Variants in CTBS observed in about 807,000 individuals in gnomAD.
CTBS encodes di-N-acetylchitobiase.
In CTBS, 35 loss-of-function variants were observed where a neutral mutation model predicts 44.3. The ratio of observed to expected loss-of-function variants is 0.79; its 90% CI spans 0.60 to 1.05. CTBS has a LOEUF of 1.05. CTBS is among the 50% of genes least tolerant of loss of function. The pLI is 0.00. For synonymous variants in CTBS, 143 were observed against 168.0 expected (o/e 0.85, Z 1.15); for missense variants, 458 against 475.3 (o/e 0.96, Z 0.34).
Position 84,565,834 on chromosome 1 carries a change from G to A in CTBS, c.697+7C>T. On this transcript the variant is annotated splice_region_variant and intron_variant, in intron 4 of 6. Transcript: ENST00000370630. ...TTATTAATAAATGACCATGTTTAGA[G>A]TCTTACCAGTTAATGTCTGATTATA... The A allele has an allele frequency of 2.7e-6, 4 of 1,478,078 alleles. No individual in the cohort carries two copies. Among genetic ancestry groups the A allele is most frequent in the Non-Finnish European group, 3.6e-6 (4 of 1,106,968 alleles). The allele number at this position is 1,478,078 out of a possible 1,614,324, so 91.6% of individuals were successfully genotyped here.
intron 1 of CTBS, 58 bp downstream of exon 1, chr1:84,574,181 C>A: frequency 6.4e-7 from 1 of 1,572,306 alleles, no homozygotes; most frequent in South Asian, 1.2e-5. Flanking sequence ...TCCGTTCTAC[C>A]CTAACTTCTC....
chr1:84,563,037 C>T (rs1307017480), intron 6 of CTBS, among the ~76,000 whole-genome samples: 1 of 151,926 alleles, frequency 6.6e-6, no homozygotes, highest in African/African-American at 2.4e-5. Flanking sequence ...GACAAGTGGC[C>T]CAAGCAGAGT....
Position 84,566,018 on chromosome 1 carries a change from G to GA in CTBS, c.526-7dup, listed in dbSNP as rs774010827. On this transcript the variant is annotated splice_polypyrimidine_tract_variant and splice_region_variant and intron_variant, in intron 3 of 6. Coordinates refer to ENST00000370630, the MANE Select transcript of CTBS (RefSeq NM_004388.3). Reference sequence around the variant, plus strand: ...CAAGCTACATCAAAGGTTACCTGTGGAAAAAAATCTTACTATTTTATGTAA... The same window carrying GA: ...CAAGCTACATCAAAGGTTACCTGTGGAAAAAAAATCTTACTATTTTATGTAA... 6.0e-5 allele frequency: 91 copies of GA among 1,504,882 alleles called. No homozygotes were observed. Among genetic ancestry groups the GA allele is most frequent in the Admixed American group, 1.6e-4 (7 of 44,788 alleles). 93.2% of individuals were successfully genotyped at this position (1,504,882 alleles called of 1,614,324 possible).
rs1391822254 is a variant in CTBS at position 84,550,526 on chromosome 1, TTAAGG to T, written c.*4468_*4472del. On this transcript the variant is annotated 3_prime_UTR_variant, in exon 7 of 7. Coordinates refer to ENST00000370630, the MANE Select transcript of CTBS (RefSeq NM_004388.3). ...GACAAAATGAAACTCATAGTAGAAG[TTAAGG>T]TAATTTACATTTTTCCTAATCAGAT... 1 of 1,525,164 alleles carries T rather than the reference TTAAGG, an allele frequency of 6.6e-7. No homozygotes were observed. Among genetic ancestry groups the T allele is most frequent in the Non-Finnish European group, 8.8e-7 (1 of 1,133,888 alleles). 94.5% of individuals were successfully genotyped at this position (1,525,164 alleles called of 1,614,324 possible).
chr1:84,551,474 C>T lies in CTBS; in HGVS notation c.*3525G>A, dbSNP rs1188632396. The T allele has an allele frequency of 1.1e-5, 2 of 186,438 alleles. No individual in the cohort carries two copies. Among genetic ancestry groups the T allele is most frequent in the Non-Finnish European group, 2.0e-5 (2 of 99,610 alleles). 11.5% of individuals were successfully genotyped at this position (186,438 alleles called of 1,614,324 possible). ...GCCTGCACTGTCAGATTGGTACCCA[C>T]TAGCCACCTATTGATATTGAGCACT... On this transcript the variant is annotated 3_prime_UTR_variant, in exon 7 of 7. Coordinates refer to ENST00000370630, the MANE Select transcript of CTBS (RefSeq NM_004388.3).
chr1:84,573,060 T>C (rs1306970798), intron 1 of CTBS, among the ~76,000 whole-genome samples: 1 of 152,196 alleles, frequency 6.6e-6, no homozygotes, highest in African/African-American at 2.4e-5. Flanking sequence ...TAAAACATTT[T>C]AATTGGGAGG....
chr1:84,574,209 A>G (rs957273756), intron 1 of CTBS, 30 bp downstream of exon 1: 10 of 1,597,470 alleles, frequency 6.3e-6, no homozygotes, highest in African/African-American at 4.0e-5. Context: ...CCTGAAGCCC[A>G]GACCTAGAGG....
intron 3 of CTBS, 149 bp downstream of exon 3, chr1:84,569,782 C>A: frequency 1.4e-6 from 1 of 716,966 alleles, no homozygotes; most frequent in Non-Finnish European, 2.3e-6. Flanking sequence ...ATAAGAACAC[C>A]AAAGGCTCCA....
chr1:84,572,597 T>A (rs1647344823), intron 1 of CTBS, among the ~76,000 whole-genome samples: 1 of 151,882 alleles, frequency 6.6e-6, no homozygotes, highest in Non-Finnish European at 1.5e-5. Context: ...GAATAGTTGG[T>A]TTTCAAAGTG....
chr1:84,570,020 CT>C lies in CTBS; in HGVS notation c.435del (p.Val146LeufsTer11), dbSNP rs1189071623. The C allele has an allele frequency of 6.2e-7, 1 of 1,613,392 alleles. No individual in the cohort carries two copies. The highest frequency in any genetic ancestry group is 1.3e-5 in the African/African-American group (1 of 74,892). ...TCATATTCAGGTGATAAACAATTAA[CT>C]TCTTGCTCTATATCTATATTAATTC... ...MDGINIDIEQ[E>X]VNCLSPEYDA... On this transcript the variant is annotated frameshift_variant, in exon 3 of 7. Transcript: ENST00000370630. LOFTEE classifies it high-confidence loss of function.
At chr1:84,561,835 CT>C (rs1199419640) in intron 6 of CTBS, among the ~76,000 whole-genome samples, 1 of 152,124 alleles carries the variant, frequency 6.6e-6, no homozygotes, top group African/African-American at 2.4e-5. Context: ...AAGGTATGTA[CT>C]TTTTTTAGAC....
At chr1:84,563,883 G>A in intron 4 of CTBS, 51 bp from the exon 5 acceptor site, 1 of 1,570,070 alleles carries the variant, frequency 6.4e-7, no homozygotes, top group Non-Finnish European at 8.6e-7. Flanking sequence ...ATATGTCAAT[G>A]TGTTCATACA....
chr1:84,570,451 T>A, intron 2 of CTBS, 131 bp downstream of exon 2: 1 of 765,596 alleles, frequency 1.3e-6, no homozygotes, highest in Non-Finnish European at 2.1e-6. Context: ...TTACACAGTA[T>A]CTAAGATTAA....
rs1184345793 is a variant in CTBS, at chr1:84,550,911, A to AT, written c.*4087dup. The AT allele has an allele frequency of 1.5e-5, 15 of 978,242 alleles. No homozygotes were observed. Among genetic ancestry groups the AT allele is most frequent in the African/African-American group, 1.8e-5 (1 of 56,970 alleles). 60.6% of individuals were successfully genotyped at this position (978,242 alleles called of 1,614,324 possible). A position where few individuals can be genotyped will look rare whatever the true frequency, so the allele number is the denominator to read the frequency against. ...TTAATTTTTTATGGGTAATCGTTTC[A>AT]TTTTTTCTGGTTATTTTCATATGTA... is the stretch of plus-strand genomic sequence containing the variant. On this transcript the variant is annotated 3_prime_UTR_variant, in exon 7 of 7. Transcript: ENST00000370630.
chr1:84,572,228 A>T (rs944036191), intron 1 of CTBS, among the ~76,000 whole-genome samples: 6 of 151,876 alleles, frequency 4.0e-5, no homozygotes, highest in South Asian at 4.1e-4. Context: ...ATTTTTTTTA[A>T]TTTTTTTTAA....
Position 84,558,227 on chromosome 1 carries a change from T to C in CTBS, c.958-3028A>G, listed in dbSNP as rs1684505510. Among the ~76,000 whole-genome samples the C allele has an allele frequency of 3.9e-5, 6 of 152,278 alleles. No homozygotes were observed. In the South Asian group the frequency reaches 1.2e-3, roughly 32 times the overall value. On this transcript the variant is annotated intron_variant, in intron 6 of 6. Coordinates refer to ENST00000370630, the MANE Select transcript of CTBS (RefSeq NM_004388.3). ...ATAACTTGATTTAGCCATTTCACAA[T>C]GTATAGATATATCAAAACATCATCT...
chr1:84,550,799 T>C lies in CTBS; in HGVS notation c.*4200A>G. Reference sequence around the variant, plus strand: ...AAAGGAAAAGGAACCTGTGAGTCAATATATTCTCAAAAAAAATTTTAAGTA... The same window carrying C: ...AAAGGAAAAGGAACCTGTGAGTCAACATATTCTCAAAAAAAATTTTAAGTA... On this transcript the variant is annotated 3_prime_UTR_variant, in exon 7 of 7. Transcript: ENST00000370630. 2.0e-6 allele frequency: 2 copies of C among 1,023,484 alleles called. No homozygotes were observed. The highest frequency in any genetic ancestry group is 4.6e-5 in the South Asian group (1 of 21,802). The allele number at this position is 1,023,484 out of a possible 1,614,324, so 63.4% of individuals were successfully genotyped here. A position where few individuals can be genotyped will look rare whatever the true frequency, so the allele number is the denominator to read the frequency against.
Position 84,574,313 on chromosome 1 carries a change from G to C in CTBS, c.103C>G (p.Leu35Val). 1 of 1,550,452 alleles carries C rather than the reference G, an allele frequency of 6.4e-7. No homozygotes were observed. Residue 35 changes from leucine to valine, a missense_variant, in exon 1 of 7, where the codon CTC becomes GTC. By Grantham distance (32) the Leu-to-Val change is conservative (BLOSUM62 1). Transcript: ENST00000370630. ...LALLALLALRLAAGTDCPCPE... is the reference protein window; with the variant it reads ...LALLALLALRVAAGTDCPCPE... ...CATGGGCAGTCGGTCCCGGCCGCGA[G>C]CCGCAGCGCCAGCAGCGCCAGCAGC...
rs746560768 is a variant in CTBS at position 84,574,383 on chromosome 1, G to T, written c.33C>A (p.Leu11=). MSRPQLRRWR[L]VSSPPSGVPG... ...GGACGCCGCTCGGCGGGCTAGAGAC[G>T]AGGCGCCAGCGTCGAAGCTGCGGCC... The change falls in exon 1 of 7, where the codon CTC becomes CTA. Residue 11 remains leucine, a synonymous_variant. Transcript: ENST00000370630. 5.1e-6 allele frequency: 8 copies of T among 1,562,954 alleles called. No homozygotes were observed. Among genetic ancestry groups the T allele is most frequent in the African/African-American group, 4.1e-5 (3 of 73,416 alleles).
Sources: gnomAD v4.1 joint callset for allele counts (sites outside exome capture counted in the v4.1 genomes callset) on GRCh38, gnomAD v4.1.1 for gene constraint, MANE v1.5 for transcripts, NCBI Gene and HGNC (gene_info 2026-07-23, HGNC 2026-07-21) for gene names.